MPDZ: variants seen among roughly 807,000 people sequenced by gnomAD.
MPDZ encodes multiple PDZ domain crumbs cell polarity complex component.
Under a neutral mutation model 239.1 loss-of-function variants are expected in MPDZ, and 234 were observed. The ratio of observed to expected loss-of-function variants is 0.98; its 90% confidence interval spans 0.88 to 1.09. The LOEUF (loss-of-function observed/expected upper bound fraction) is 1.09. Ranked by LOEUF, MPDZ falls within the 50% of genes least tolerant of loss-of-function variation. The pLI, the probability that MPDZ is intolerant of heterozygous loss-of-function variation, is 0.00. For missense variants in MPDZ, 3,175 were observed against 2,510.0 expected (o/e 1.26, Z -5.66); for synonymous variants, 1,048 against 881.3 (o/e 1.19, Z -3.35).
Position 13,196,134 on chromosome 9 carries a change from T to C in MPDZ, c.1643A>G (p.Asn548Ser). The C allele has an allele frequency of 6.3e-7, 1 of 1,596,982 alleles. No individual in the cohort carries two copies. The change falls in exon 13 of 47, where the codon AAC (asparagine) becomes AGC (serine). Residue 548 changes from asparagine (N) to serine (S), a missense_variant. Asn to Ser is a conservative substitution (Grantham distance 46, BLOSUM62 1). Coordinates refer to ENST00000319217, the MANE Select transcript of MPDZ (RefSeq NM_001378778.1). ...LTKWQRIMGI[N>S]YEIVVAHVSK... ...CAGCTAACCTACCACTATTTCATAG[T>C]TAATTCCCATAATCCTTTGCCATTT... is the stretch of plus-strand genomic sequence containing the variant.
At chr9:13,148,173 G>C (rs893940833) in intron 25 of MPDZ, among the ~76,000 whole-genome samples, 2 of 152,018 alleles carry the variant, frequency 1.3e-5, no homozygotes, top group African/African-American at 4.8e-5. Flanking sequence ...TTTTGCAAAA[G>C]AATCCTTGCA....
chr9:13,177,297 G>C (rs1382065924), intron 19 of MPDZ, among the ~76,000 whole-genome samples: 1 of 152,010 alleles, frequency 6.6e-6, no homozygotes, highest in Non-Finnish European at 1.5e-5. Context: ...TTGCATAAAG[G>C]ATTCAAGATA....
intron 24 of MPDZ, among the ~76,000 whole-genome samples, chr9:13,156,505 C>A (rs1031269710): frequency 6.6e-6 from 1 of 152,114 alleles, no homozygotes; most frequent in South Asian, 2.1e-4. Flanking sequence ...TTGTGCAGGG[C>A]AACTCCCGTT....
chr9:13,135,167 T>C (rs1186889756), intron 31 of MPDZ: 2 of 152,248 alleles, frequency 1.3e-5, no homozygotes, highest in Admixed American at 6.5e-5. Flanking sequence ...TATCTTTCTG[T>C]ATTTTCTATT....
rs567866853 is a variant in MPDZ, at chr9:13,139,915, C to T, written c.4003+72G>A. 4.4e-4 allele frequency: 700 copies of T among 1,573,814 alleles called. 3 individuals carry two copies. The highest frequency in any genetic ancestry group is 4.3e-3 in the Middle Eastern group (26 of 5,978). On this transcript the variant is annotated intron_variant, in intron 28 of 46. Transcript: ENST00000319217. ...CTGCAACATACTTACTTATCCAGGG[C>T]GAAATCCTTGAGAAACTCAGAGCTA...
intron 40 of MPDZ, 65 bp downstream of exon 40, chr9:13,115,182 AG>A (rs1943192283): frequency 7.3e-7 from 1 of 1,376,540 alleles, no homozygotes; most frequent in Admixed American, 1.8e-5. Context: ...ACCCACAGTC[AG>A]GGCCATCTAT....
At chr9:13,242,877 C>T (rs1965756303) in intron 3 of MPDZ, among the ~76,000 whole-genome samples, 1 of 152,188 alleles carries the variant, frequency 6.6e-6, no homozygotes, top group South Asian at 2.1e-4. Context: ...CTGAACTCTA[C>T]CCATTACCTG....
intron 12 of MPDZ, among the ~76,000 whole-genome samples, chr9:13,197,844 GGTAT>G (rs1449577835): frequency 6.6e-6 from 1 of 151,896 alleles, no homozygotes; most frequent in Non-Finnish European, 1.5e-5. Context: ...GAGATCATGC[GGTAT>G]GTGTCTTTCT....
chr9:13,214,041 T>A (rs1957974244), intron 10 of MPDZ, among the ~76,000 whole-genome samples: 1 of 151,996 alleles, frequency 6.6e-6, no homozygotes, highest in African/African-American at 2.4e-5. Context: ...CACAGAATTA[T>A]CATAAGATTC....
chr9:13,135,290 C>T (rs1946574198), intron 31 of MPDZ: 1 of 152,140 alleles, frequency 6.6e-6, no homozygotes. Context: ...AGGCAGAGTA[C>T]TCAGAAAATA....
chr9:13,241,808 C>T (rs1227571029), intron 3 of MPDZ, among the ~76,000 whole-genome samples: 1 of 152,162 alleles, frequency 6.6e-6, no homozygotes, highest in Non-Finnish European at 1.5e-5. Flanking sequence ...AACACTTTGG[C>T]CATGAACTCT....
rs531622930 is a variant in MPDZ, at chr9:13,159,354, T to C, written c.3360-1244A>G. Among the ~76,000 whole-genome samples the C allele has an allele frequency of 2.5e-3, 386 of 152,222 alleles. 3 individuals are homozygous for C. The highest frequency in any genetic ancestry group is 8.5e-3 in the African/African-American group (352 of 41,560). The stretch of plus-strand genomic sequence containing the variant: ...TCCTGTGCAATTAAAGAATAACGCC[T>C]CGAATGAGGGTAGGGCTCCTAGAGT... On this transcript the variant is annotated intron_variant, in intron 23 of 46. Transcript: ENST00000319217.
intron 21 of MPDZ, among the ~76,000 whole-genome samples, chr9:13,171,255 C>T (rs908763288): frequency 2.4e-4 from 37 of 152,106 alleles, no homozygotes; most frequent in African/African-American, 8.0e-4. Flanking sequence ...GTTTAAAATG[C>T]ATCTCTCCCC....
chr9:13,270,555 C>CT lies in MPDZ; in HGVS notation c.-58+8844dup, dbSNP rs563772281. On this transcript the variant is annotated intron_variant, in intron 1 of 46. Transcript: ENST00000319217. Reference sequence around the variant, plus strand: ...AAAAGACATGGCATATTTTGGAGAGCTTTTTTTTTTTTTTAAGAAAGTAAA... The same window carrying CT: ...AAAAGACATGGCATATTTTGGAGAGCTTTTTTTTTTTTTTTAAGAAAGTAAA... Among the ~76,000 whole-genome samples the CT allele has an allele frequency of 9.3e-3, 1,298 of 138,990 alleles. 11 individuals carry two copies. The highest frequency in any genetic ancestry group is 0.033 in the Middle Eastern group (9 of 270). 91.2% of individuals were successfully genotyped at this position (138,990 alleles called of 152,430 possible). A position where few individuals can be genotyped will look rare whatever the true frequency, so the allele number is the denominator to read the frequency against.
chr9:13,262,511 C>G (rs182612368), intron 1 of MPDZ, among the ~76,000 whole-genome samples: 1 of 151,932 alleles, frequency 6.6e-6, no homozygotes, highest in African/African-American at 2.4e-5. Context: ...AATGTTCTTT[C>G]TTCAAACTCT....
intron 25 of MPDZ, among the ~76,000 whole-genome samples, chr9:13,147,924 C>A (rs554648949): frequency 6.6e-6 from 1 of 152,112 alleles, no homozygotes; most frequent in Admixed American, 6.6e-5. Context: ...GCACTCCTTA[C>A]ATTGCTCAGC....
At chr9:13,196,337 C>T in intron 12 of MPDZ, 107 bp from the exon 13 acceptor site, 2 of 648,274 alleles carry the variant, frequency 3.1e-6, no homozygotes, top group Non-Finnish European at 5.3e-6. Flanking sequence ...TCACGTCAGA[C>T]TCTTCGCCCA....
At chr9:13,269,270 GA>G (rs1296821769) in intron 1 of MPDZ, among the ~76,000 whole-genome samples, 1 of 152,176 alleles carries the variant, frequency 6.6e-6, no homozygotes, top group Admixed American at 6.5e-5. Flanking sequence ...GGTTTTAGAG[GA>G]AAGAGAAATA....
intron 32 of MPDZ, among the ~76,000 whole-genome samples, chr9:13,127,573 C>G (rs887665171): frequency 1.3e-5 from 2 of 152,194 alleles, no homozygotes; most frequent in African/African-American, 4.8e-5. Flanking sequence ...AAAAGAGAAT[C>G]TTGACATGGT....
Sources: gnomAD v4.1 joint callset for allele counts (sites outside exome capture counted in the v4.1 genomes callset) on GRCh38, gnomAD v4.1.1 for gene constraint, MANE v1.5 for transcripts, NCBI Gene and HGNC (gene_info 2026-07-23, HGNC 2026-07-21) for gene names.